The following PDZRN3 variants were observed in gnomAD, a reference collection of about 807,000 sequenced individuals.
PDZRN3 encodes E3 ubiquitin-protein ligase PDZRN3.
Under a neutral mutation model 85.7 loss-of-function variants are expected in PDZRN3, and 38 were observed. The observed-to-expected ratio is 0.44, with a 90% CI of 0.34 to 0.58. The LOEUF (loss-of-function observed/expected upper bound fraction) is 0.58. Ranked by LOEUF, PDZRN3 falls within the 20% of genes least tolerant of loss-of-function variation. The pLI is 0.01. For synonymous variants in PDZRN3, 759 were observed against 638.0 expected, an observed-to-expected ratio of 1.19 and a Z score of -2.86; for missense variants, 1,629 against 1,506.4, an observed-to-expected ratio of 1.08 and a Z score of -1.35.
At chr3:73,432,598 G>A (rs919997353) in intron 3 of PDZRN3, among the ~76,000 whole-genome samples, 4 of 152,004 alleles carry the variant, frequency 2.6e-5, no homozygotes, top group Admixed American at 6.6e-5. Context: ...CTTTTGCCGC[G>A]TCTCCCTGTG....
At chr3:73,568,612 C>T (rs917093892) in intron 3 of PDZRN3, among the ~76,000 whole-genome samples, 2 of 152,142 alleles carry the variant, frequency 1.3e-5, no homozygotes, top group African/African-American at 2.4e-5. Context: ...TGAGACAGAC[C>T]GATGTCAGCA....
At position 73,624,705 on chromosome 3, in the gene PDZRN3, A is replaced by C; in HGVS notation, c.121T>G (p.Cys41Gly). 3 of 1,526,296 alleles carry C rather than the reference A, an allele frequency of 2.0e-6. No homozygotes were observed. The highest frequency in any genetic ancestry group is 2.6e-6 in the Non-Finnish European group (3 of 1,143,608). The allele number at this position is 1,526,296 out of a possible 1,614,324, so 94.5% of individuals were successfully genotyped here. ...TCCTGCACCACCCAGGGCAGCACGCAGCCGGCGCAGAAGACGTGGCCGCAC... is the reference window on the plus strand; with the variant it reads ...TCCTGCACCACCCAGGGCAGCACGCCGCCGGCGCAGAAGACGTGGCCGCAC... ...TPCGHVFCAG[C>G]VLPWVVQEGS... The change falls in exon 1 of 10, where the codon TGC becomes GGC. Residue 41 changes from cysteine to glycine, a missense_variant. Transcript: ENST00000263666.
chr3:73,511,625 G>A (rs1704166533), intron 3 of PDZRN3, among the ~76,000 whole-genome samples: 1 of 152,230 alleles, frequency 6.6e-6, no homozygotes, highest in African/African-American at 2.4e-5. Flanking sequence ...GGCAGATAAT[G>A]GCAGCATTTC....
intron 3 of PDZRN3, among the ~76,000 whole-genome samples, chr3:73,449,136 C>T (rs1255546469): frequency 6.6e-6 from 1 of 152,100 alleles, no homozygotes; most frequent in Non-Finnish European, 1.5e-5. Flanking sequence ...AGTGAAACTA[C>T]AAGTAATGAT....
At chr3:73,570,875 A>G (rs1410341880) in intron 3 of PDZRN3, among the ~76,000 whole-genome samples, 1 of 152,186 alleles carries the variant, frequency 6.6e-6, no homozygotes, top group Non-Finnish European at 1.5e-5. Flanking sequence ...CTCTTAAGGT[A>G]TTAGTTTTAT....
At chr3:73,471,792 T>A (rs1226401616) in intron 3 of PDZRN3, among the ~76,000 whole-genome samples, 1 of 152,264 alleles carries the variant, frequency 6.6e-6, no homozygotes, top group African/African-American at 2.4e-5. Flanking sequence ...CCGTTTAGAA[T>A]GTTTATTCAC....
intron 9 of PDZRN3, 75 bp from the exon 10 acceptor site, chr3:73,385,005 G>A: frequency 6.7e-7 from 1 of 1,503,658 alleles, no homozygotes. Flanking sequence ...ACCTTTCCTT[G>A]CGGTTTCTGG....
chr3:73,412,872 AG>A (rs971069762), intron 3 of PDZRN3, among the ~76,000 whole-genome samples: 25 of 152,202 alleles, frequency 1.6e-4, no homozygotes, highest in Admixed American at 5.2e-4. Flanking sequence ...GTGGTGAGGA[AG>A]GCTCAGTAAC....
At chr3:73,468,250 T>C (rs1263973772) in intron 3 of PDZRN3, among the ~76,000 whole-genome samples, 2 of 152,120 alleles carry the variant, frequency 1.3e-5, no homozygotes, top group East Asian at 3.9e-4. Flanking sequence ...CCAAGAAATG[T>C]GGGCAGCCTC....
At chr3:73,479,389 T>TA (rs11456991) in intron 3 of PDZRN3, among the ~76,000 whole-genome samples, 86,145 of 147,360 alleles carry the variant, frequency 0.58, 24,999 homozygotes, top group Middle Eastern at 0.66. Context: ...CTTCTCAAAG[T>TA]AAAAAAAAAA....
At chr3:73,434,598 A>G (rs1021319030) in intron 3 of PDZRN3, among the ~76,000 whole-genome samples, 5 of 152,346 alleles carry the variant, frequency 3.3e-5, no homozygotes, top group Admixed American at 2.6e-4. Flanking sequence ...GGGCTGCCCA[A>G]CTAACTGGAA....
At chr3:73,485,050 C>A (rs567201217) in intron 3 of PDZRN3, among the ~76,000 whole-genome samples, 1 of 152,118 alleles carries the variant, frequency 6.6e-6, no homozygotes, top group African/African-American at 2.4e-5. Context: ...GCGACAAAAA[C>A]AAGCTTTTTA....
At chr3:73,413,235 G>GCTAT (rs1160216581) in intron 3 of PDZRN3, among the ~76,000 whole-genome samples, 1 of 152,100 alleles carries the variant, frequency 6.6e-6, no homozygotes, top group Non-Finnish European at 1.5e-5. Flanking sequence ...CTCAGTAAAC[G>GCTAT]CTATCTTTTT....
At chr3:73,388,892 A>G (rs1559650239) in intron 7 of PDZRN3, among the ~76,000 whole-genome samples, 2 of 126,968 alleles carry the variant, frequency 1.6e-5, no homozygotes, top group Non-Finnish European at 3.1e-5. Flanking sequence ...GAGTGCTTCC[A>G]TTCTCAGTAG....
intron 3 of PDZRN3, among the ~76,000 whole-genome samples, chr3:73,462,715 A>T (rs1329103970): frequency 1.3e-5 from 2 of 152,116 alleles, no homozygotes; most frequent in Non-Finnish European, 2.9e-5. Flanking sequence ...ATGTGGTGGA[A>T]GGGGGTTATC....
At chr3:73,505,752 A>G (rs1410766998) in intron 3 of PDZRN3, among the ~76,000 whole-genome samples, 2 of 152,152 alleles carry the variant, frequency 1.3e-5, no homozygotes, top group Non-Finnish European at 2.9e-5. Context: ...AGGTGATTTG[A>G]TATGTCCTCT....
At chr3:73,437,780 T>G (rs1009628113) in intron 3 of PDZRN3, among the ~76,000 whole-genome samples, 1 of 152,204 alleles carries the variant, frequency 6.6e-6, no homozygotes, top group Admixed American at 6.5e-5. Flanking sequence ...TAGAATGGTG[T>G]TTTATTTTCA....
In PDZRN3 at chr3:73,624,335, C is replaced by G. The variant is rs1050241710; in HGVS notation, c.491G>C (p.Arg164Pro). 11 of 1,309,002 alleles carry G rather than the reference C, an allele frequency of 8.4e-6. No individual in the cohort carries two copies. The highest frequency in any genetic ancestry group is 1.6e-5 in the African/African-American group (1 of 64,372). The allele number at this position is 1,309,002 out of a possible 1,614,324, so 81.1% of individuals were successfully genotyped here. Reference sequence around the variant, plus strand: ...CGCGCCGTTGTGCGCCCGCAGCGCTCGCGCGCAGCAGTGGCCGCCCGCGCG... The same window carrying G: ...CGCGCCGTTGTGCGCCCGCAGCGCTGGCGCGCAGCAGTGGCCGCCCGCGCG... ...EQRAGGHCCA[R>P]ALRAHNGALQ... is the part of the protein sequence containing the mutation. The change falls in exon 1 of 10, where the codon CGA becomes CCA. Residue 164 changes from arginine to proline, a missense_variant. Arg to Pro is a moderately radical substitution (Grantham distance 103). Transcript: ENST00000263666.
At chr3:73,499,177 T>C (rs1265730570) in intron 3 of PDZRN3, among the ~76,000 whole-genome samples, 2 of 152,198 alleles carry the variant, frequency 1.3e-5, no homozygotes, top group Non-Finnish European at 2.9e-5. Context: ...GCCTCTTTCC[T>C]TGTCCCCTTC....
Sources: gnomAD v4.1 joint callset for allele counts (sites outside exome capture counted in the v4.1 genomes callset) on GRCh38, gnomAD v4.1.1 for gene constraint, MANE v1.5 for transcripts, NCBI Gene and HGNC (gene_info 2026-07-23, HGNC 2026-07-21) for gene names.